PDE10A: variants seen among roughly 807,000 people sequenced by gnomAD.
PDE10A encodes the protein phosphodiesterase 10A, also known as cAMP and cAMP-inhibited cGMP 3',5'-cyclic phosphodiesterase 10A.
A neutral mutation model predicts 97.7 loss-of-function variants in PDE10A; 39 were observed. The ratio of observed to expected loss-of-function variants is 0.40; its 90% confidence interval spans 0.31 to 0.52. The LOEUF is 0.52. PDE10A is among the 20% of genes least tolerant of loss of function. The probability of loss-of-function intolerance (pLI) is 0.56; values close to 1 mark genes in which losing one functional copy is unlikely to be tolerated. For missense variants in PDE10A, 731 were observed against 1,047.8 expected (o/e 0.70, Z 4.17); for synonymous variants, 371 against 376.8 (o/e 0.98, Z 0.18).
chr6:165,944,305 C>A (rs147008388), intron 1 of PDE10A, among the ~76,000 whole-genome samples: 1 of 152,108 alleles, frequency 6.6e-6, no homozygotes, highest in Non-Finnish European at 1.5e-5. Context: ...ACCATATCAC[C>A]GTCTCTTTAA....
intron 1 of PDE10A, among the ~76,000 whole-genome samples, chr6:165,739,355 T>G (rs2128452905): frequency 6.6e-6 from 1 of 152,338 alleles, no homozygotes; most frequent in Admixed American, 6.5e-5. Flanking sequence ...TTAGTTGGTC[T>G]TCCACAAAGG....
At chr6:165,839,916 CCCAACCT>C (rs1780191707) in intron 1 of PDE10A, among the ~76,000 whole-genome samples, 45 of 4,648 alleles carry the variant, frequency 9.7e-3, no homozygotes, top group Non-Finnish European at 0.013. Context: ...CAACTCCATC[CCCAACCT>C]CATCTCCATT....
Position 165,604,130 on chromosome 6 carries a change from C to T in PDE10A, c.865+57817G>A, listed in dbSNP as rs530426010. On this transcript the variant is annotated intron_variant, in intron 1 of 21. Transcript: ENST00000539869. ...TTAGGTTCCATCCTAACACCCATTT[C>T]TTCTCATTTGTAACCTTTATCAGCA... 5.8e-4 allele frequency among the ~76,000 whole-genome samples: 88 copies of T among 152,318 alleles called. 2 individuals are homozygous for T. The South Asian group carries it at 0.018, about 30-fold the overall frequency.
At chr6:165,694,980 C>G (rs772505952) in intron 1 of PDE10A, among the ~76,000 whole-genome samples, 8 of 152,192 alleles carry the variant, frequency 5.3e-5, no homozygotes, top group Non-Finnish European at 1.0e-4. Context: ...GAATAAGTCT[C>G]TTATGTGAAA....
chr6:165,640,496 C>A (rs1398625947), intron 1 of PDE10A, among the ~76,000 whole-genome samples: 1 of 152,180 alleles, frequency 6.6e-6, no homozygotes, highest in Non-Finnish European at 1.5e-5. Context: ...AAACAGTTAA[C>A]ATTTTGGCTC....
At chr6:165,492,144 C>T (rs1780263933) in intron 2 of PDE10A, among the ~76,000 whole-genome samples, 1 of 152,088 alleles carries the variant, frequency 6.6e-6, no homozygotes. Context: ...ATACAACCCT[C>T]TAAGATAAAA....
chr6:165,366,998 A>T (rs1167238963), intron 18 of PDE10A, among the ~76,000 whole-genome samples: 1 of 152,186 alleles, frequency 6.6e-6, no homozygotes, highest in Non-Finnish European at 1.5e-5. Context: ...AAAATGTATT[A>T]CACTGTCTAG....
intron 18 of PDE10A, among the ~76,000 whole-genome samples, chr6:165,373,579 C>T (rs1384363997): frequency 6.6e-6 from 1 of 152,078 alleles, no homozygotes; most frequent in East Asian, 1.9e-4. Flanking sequence ...AGTCAGGAAA[C>T]AACAGGTGCT....
At position 165,660,538 on chromosome 6, in the gene PDE10A, C is replaced by G. The variant is rs149773188; in HGVS notation, c.865+1409G>C. On this transcript the variant is annotated intron_variant, in intron 1 of 21. Transcript: ENST00000539869. Reference sequence around the variant, plus strand: ...GCCCGGGAAGCGGGGTTGCAAGGAGCGGCCGATCCCGGCGCGAATACGCTC... The same window carrying G: ...GCCCGGGAAGCGGGGTTGCAAGGAGGGGCCGATCCCGGCGCGAATACGCTC... The G allele has an allele frequency of 1.3e-5, 2 of 152,434 alleles. No individual in the cohort carries two copies. The allele number at this position is 152,434 out of a possible 1,614,324, so 9.4% of individuals were successfully genotyped here.
intron 2 of PDE10A, among the ~76,000 whole-genome samples, chr6:165,493,968 C>T (rs936376237): frequency 3.4e-5 from 5 of 146,574 alleles, no homozygotes; most frequent in Admixed American, 2.0e-4. Context: ...CTCAAATAAG[C>T]AAGAAAAAAA....
intron 2 of PDE10A, among the ~76,000 whole-genome samples, chr6:165,530,269 ATGTGTGTGTGTGTGTG>A (rs71026692): frequency 3.4e-5 from 5 of 148,248 alleles, no homozygotes; most frequent in African/African-American, 1.3e-4. Flanking sequence ...CTCTTTATAT[ATGTGTGTGTGTGTGTG>A]TGTGTGTGTG....
chr6:165,535,588 G>A (rs1334416713), intron 2 of PDE10A, among the ~76,000 whole-genome samples: 1 of 151,172 alleles, frequency 6.6e-6, no homozygotes, highest in African/African-American at 2.4e-5. Context: ...TATTCTATGG[G>A]GTGTGTGTGT....
chr6:165,846,188 A>G (rs1780413667), intron 1 of PDE10A, among the ~76,000 whole-genome samples: 1 of 152,162 alleles, frequency 6.6e-6, no homozygotes, highest in African/African-American at 2.4e-5. Context: ...TTTAAAGTAG[A>G]TACGGTCATT....
chr6:165,377,681 G>A (rs1040033315), intron 18 of PDE10A, among the ~76,000 whole-genome samples: 1 of 152,056 alleles, frequency 6.6e-6, no homozygotes, highest in Non-Finnish European at 1.5e-5. Flanking sequence ...TGGGTTTCAG[G>A]AAACCAAGGG....
At chr6:165,490,874 G>A (rs1780187186) in intron 2 of PDE10A, among the ~76,000 whole-genome samples, 1 of 152,142 alleles carries the variant, frequency 6.6e-6, no homozygotes, top group Non-Finnish European at 1.5e-5. Context: ...AGAATTCCTT[G>A]AACCTGGGAA....
chr6:165,974,001 T>C (rs751440326), intron 1 of PDE10A, among the ~76,000 whole-genome samples: 1 of 152,204 alleles, frequency 6.6e-6, no homozygotes, highest in Non-Finnish European at 1.5e-5. Flanking sequence ...CAAAGTACCA[T>C]TTGAATCAGT....
At chr6:165,795,389 C>A (rs1189051727) in intron 1 of PDE10A, among the ~76,000 whole-genome samples, 1 of 152,094 alleles carries the variant, frequency 6.6e-6, no homozygotes, top group Non-Finnish European at 1.5e-5. Context: ...GTGACGGGAG[C>A]TACACGCAGG....
chr6:165,791,846 C>T (rs1036775117), intron 1 of PDE10A, among the ~76,000 whole-genome samples: 1 of 152,222 alleles, frequency 6.6e-6, no homozygotes, highest in African/African-American at 2.4e-5. Flanking sequence ...TCTGTAATCA[C>T]ACTCCAATGA....
intron 1 of PDE10A, among the ~76,000 whole-genome samples, chr6:165,936,060 A>G (rs955841231): frequency 6.6e-6 from 1 of 152,248 alleles, no homozygotes; most frequent in African/African-American, 2.4e-5. Flanking sequence ...CCAGATTTTA[A>G]ACTCATCAAA....
Sources: allele counts gnomAD v4.1 joint callset (sites outside exome capture counted in the v4.1 genomes callset), GRCh38; gene constraint gnomAD v4.1.1; transcripts MANE v1.5; gene names NCBI Gene and HGNC (gene_info 2026-07-23, HGNC 2026-07-21).